Variants in UVRAG observed in about 807,000 individuals in gnomAD.
UVRAG encodes UV radiation resistance-associated gene protein.
A neutral mutation model predicts 78.0 loss-of-function variants in UVRAG; 19 were observed. The observed-to-expected ratio is 0.24, with a 90% CI of 0.17 to 0.36. The LOEUF is 0.36. Among genes scored for constraint, UVRAG ranks in the 10% least tolerant of loss-of-function variants. The pLI, the probability that UVRAG is intolerant of heterozygous loss-of-function variation, is 1.00. For missense variants in UVRAG, 740 were observed against 853.8 expected (o/e 0.87, Z 1.66); for synonymous variants, 323 against 324.6 (o/e 1.00, Z 0.05).
intron 13 of UVRAG, among the ~76,000 whole-genome samples, chr11:76,075,386 G>A (rs1052831883): frequency 7.9e-5 from 12 of 152,056 alleles, no homozygotes; most frequent in South Asian, 2.1e-4. Context: ...CGAGGTGGGC[G>A]GATCACTTGA....
chr11:75,894,794 G>A (rs1164556820), intron 5 of UVRAG, among the ~76,000 whole-genome samples: 3 of 133,526 alleles, frequency 2.2e-5, no homozygotes, highest in East Asian at 2.1e-4. Flanking sequence ...TGAGACTCCC[G>A]TCTCTACCAA....
chr11:76,042,197 A>G (rs895239396), intron 12 of UVRAG, among the ~76,000 whole-genome samples: 5 of 152,248 alleles, frequency 3.3e-5, no homozygotes, highest in Non-Finnish European at 7.3e-5. Flanking sequence ...TTGAACATCC[A>G]TAAGATGGAA....
Position 75,855,980 on chromosome 11 carries a change from ATTTTTAT to A in UVRAG, c.235+4000_235+4006del, listed in dbSNP as rs940101167. On this transcript the variant is annotated intron_variant, in intron 2 of 14. Transcript: ENST00000356136. The stretch of plus-strand genomic sequence containing the variant: ...AACTTGGTTCTTGTTAAAATTGGAA[ATTTTTAT>A]TTTTTATTTTTTATTTTTTTGAGAC... 5.9e-5 allele frequency among the ~76,000 whole-genome samples: 9 copies of A among 152,186 alleles called. No individual in the cohort carries two copies. The East Asian group carries it at 1.2e-3, about 20-fold the overall frequency.
intron 8 of UVRAG, among the ~76,000 whole-genome samples, chr11:75,986,450 G>C (rs1278417307): frequency 6.6e-6 from 1 of 151,958 alleles, no homozygotes; most frequent in Admixed American, 6.6e-5. Context: ...ATTAGTAATT[G>C]TTAATGTTAC....
intron 13 of UVRAG, among the ~76,000 whole-genome samples, chr11:76,068,559 G>C (rs1163032366): frequency 2.0e-5 from 3 of 152,066 alleles, no homozygotes; most frequent in Non-Finnish European, 2.9e-5. Flanking sequence ...TTAAAAACTG[G>C]CTTTTTTATA....
chr11:75,951,554 G>T (rs1948704206), intron 6 of UVRAG, among the ~76,000 whole-genome samples: 1 of 152,010 alleles, frequency 6.6e-6, no homozygotes, highest in Admixed American at 6.6e-5. Flanking sequence ...GGCTAATTTT[G>T]TATTTTTAGT....
rs530160814 is a variant in UVRAG at position 76,031,862 on chromosome 11, A to G, written c.1226+14882A>G. 7.2e-5 allele frequency among the ~76,000 whole-genome samples: 11 copies of G among 152,338 alleles called. No individual in the cohort carries two copies. The South Asian group carries it at 1.2e-3, about 17-fold the overall frequency. On this transcript the variant is annotated intron_variant, in intron 12 of 14. Coordinates refer to ENST00000356136, the MANE Select transcript of UVRAG (RefSeq NM_003369.4). ...ACATCAGTGAGCGTGCCAGTAGTTC[A>G]TGGACTATTTGCAGTCCATTATTAT...
chr11:76,100,148 C>T (rs922127575), intron 13 of UVRAG, among the ~76,000 whole-genome samples: 1 of 152,024 alleles, frequency 6.6e-6, no homozygotes, highest in Non-Finnish European at 1.5e-5. Flanking sequence ...CTTACCCTGA[C>T]AAAAATCTTC....
intron 11 of UVRAG, among the ~76,000 whole-genome samples, chr11:76,013,583 A>C (rs527467820): frequency 6.6e-6 from 1 of 152,236 alleles, no homozygotes; most frequent in East Asian, 1.9e-4. Flanking sequence ...TGGCTGTGGC[A>C]GGTAAAAAAA....
chr11:76,022,635 A>G (rs977023850), intron 12 of UVRAG, among the ~76,000 whole-genome samples: 1 of 152,102 alleles, frequency 6.6e-6, no homozygotes, highest in African/African-American at 2.4e-5. Context: ...TGTCTTTCCC[A>G]TCTTTTCACT....
intron 13 of UVRAG, among the ~76,000 whole-genome samples, chr11:76,070,822 A>T (rs906176179): frequency 6.6e-6 from 1 of 152,176 alleles, no homozygotes. Flanking sequence ...AGAAAGCCAC[A>T]TTAGAGGGCT....
At chr11:75,896,420 C>CT (rs1947345675) in intron 5 of UVRAG, among the ~76,000 whole-genome samples, 1 of 152,100 alleles carries the variant, frequency 6.6e-6, no homozygotes, top group Admixed American at 6.5e-5. Flanking sequence ...GACCACTCGT[C>CT]TTTTGTGGGA....
At chr11:75,827,840 C>A (rs1452314083) in intron 1 of UVRAG, among the ~76,000 whole-genome samples, 1 of 151,992 alleles carries the variant, frequency 6.6e-6, no homozygotes, top group Non-Finnish European at 1.5e-5. Flanking sequence ...ATCCAGAAAA[C>A]TAAACTTTTA....
At chr11:76,004,772 G>A (rs1376198086) in intron 9 of UVRAG, among the ~76,000 whole-genome samples, 2 of 152,018 alleles carry the variant, frequency 1.3e-5, no homozygotes, top group South Asian at 2.1e-4. Context: ...TTACAGGTGT[G>A]AGCCATCATG....
At chr11:75,928,523 G>T (rs1008744846) in intron 6 of UVRAG, among the ~76,000 whole-genome samples, 1 of 152,092 alleles carries the variant, frequency 6.6e-6, no homozygotes, top group African/African-American at 2.4e-5. Flanking sequence ...CCAGAAATTT[G>T]GGAGGCTGAA....
At chr11:75,929,029 T>A (rs1466394165) in intron 6 of UVRAG, among the ~76,000 whole-genome samples, 4 of 150,580 alleles carry the variant, frequency 2.7e-5, no homozygotes, top group Middle Eastern at 3.5e-3. Context: ...AGTTTTGATG[T>A]GTGGTGAAAG....
intron 13 of UVRAG, among the ~76,000 whole-genome samples, chr11:76,067,295 G>A (rs536791225): frequency 1.3e-5 from 2 of 152,218 alleles, no homozygotes; most frequent in Admixed American, 6.5e-5. Flanking sequence ...ACCTTTCCAT[G>A]TGCCATTCTT....
At chr11:76,004,132 C>A in intron 9 of UVRAG, 43 bp downstream of exon 9, 1 of 1,580,546 alleles carries the variant, frequency 6.3e-7, no homozygotes. Context: ...GTGGAGTTTA[C>A]TGCGAGGATA....
At chr11:75,847,124 C>T (rs963635707) in intron 1 of UVRAG, among the ~76,000 whole-genome samples, 3 of 151,496 alleles carry the variant, frequency 2.0e-5, no homozygotes, top group Non-Finnish European at 4.4e-5. Context: ...CGTGCCTGGC[C>T]TGTTCTTTTG....
Sources: gnomAD v4.1 joint callset for allele counts (sites outside exome capture counted in the v4.1 genomes callset) on GRCh38, gnomAD v4.1.1 for gene constraint, MANE v1.5 for transcripts, NCBI Gene and HGNC (gene_info 2026-07-23, HGNC 2026-07-21) for gene names.